DIAPH3: variants seen among roughly 807,000 people sequenced by gnomAD.
DIAPH3 encodes diaphanous related formin 3, also known as protein diaphanous homolog 3.
In DIAPH3, 117 loss-of-function variants were observed where a neutral mutation model predicts 144.3. The ratio of observed to expected loss-of-function variants is 0.81; its 90% CI spans 0.70 to 0.95. The LOEUF (loss-of-function observed/expected upper bound fraction) is 0.95. Ranked by LOEUF, DIAPH3 falls within the 40% of genes least tolerant of loss-of-function variation. The pLI is 0.00. For synonymous variants in DIAPH3, 519 were observed against 488.9 expected (o/e 1.06, Z -0.81); for missense variants, 1,421 against 1,412.7 (o/e 1.01, Z -0.09).
chr13:60,093,094 T>G (rs73532995), intron 4 of DIAPH3, among the ~76,000 whole-genome samples: 236 of 152,354 alleles, frequency 1.5e-3, no homozygotes, highest in African/African-American at 5.5e-3. Context: ...CATGGTTTCT[T>G]AGACATTTAG....
At chr13:60,018,885 A>C (rs1045405079) in intron 5 of DIAPH3, among the ~76,000 whole-genome samples, 24 of 152,282 alleles carry the variant, frequency 1.6e-4, no homozygotes, top group African/African-American at 5.5e-4. Flanking sequence ...GAAAGCTAAC[A>C]AAAGTACTTA....
intron 1 of DIAPH3, among the ~76,000 whole-genome samples, chr13:60,147,016 A>ATTT (rs1369990767): frequency 2.6e-5 from 4 of 152,234 alleles, no homozygotes; most frequent in African/African-American, 4.8e-5. Flanking sequence ...AAACTGCATC[A>ATTT]TCTTTGCCAG....
intron 21 of DIAPH3, among the ~76,000 whole-genome samples, chr13:59,874,902 C>A (rs1470227063): frequency 6.6e-6 from 1 of 152,204 alleles, no homozygotes; most frequent in Non-Finnish European, 1.5e-5. Context: ...TCTTATTAGA[C>A]ATTAGTAAAC....
chr13:59,742,692 G>C (rs1374805752), intron 27 of DIAPH3, among the ~76,000 whole-genome samples: 1 of 147,396 alleles, frequency 6.8e-6, no homozygotes, highest in Non-Finnish European at 1.5e-5. Context: ...AAGGAAGAAA[G>C]GGAGAAAGGG....
At chr13:59,795,590 A>G (rs905008106) in intron 25 of DIAPH3, among the ~76,000 whole-genome samples, 2 of 151,482 alleles carry the variant, frequency 1.3e-5, no homozygotes, top group Non-Finnish European at 2.9e-5. Context: ...AGTAGCTGGG[A>G]CTACAGGTGG....
intron 9 of DIAPH3, among the ~76,000 whole-genome samples, chr13:60,004,154 T>C (rs1307073275): frequency 6.6e-6 from 1 of 152,228 alleles, no homozygotes; most frequent in East Asian, 1.9e-4. Flanking sequence ...AAGTAAACAA[T>C]TGGTTCCTAT....
intron 27 of DIAPH3, among the ~76,000 whole-genome samples, chr13:59,732,746 G>T (rs575737829): frequency 6.6e-6 from 1 of 152,136 alleles, no homozygotes; most frequent in African/African-American, 2.4e-5. Flanking sequence ...TCACTGTGCT[G>T]GCCTGATAGA....
At chr13:60,063,741 A>G (rs2056854580) in intron 4 of DIAPH3, among the ~76,000 whole-genome samples, 1 of 152,160 alleles carries the variant, frequency 6.6e-6, no homozygotes, top group Admixed American at 6.5e-5. Context: ...AGCCTGGCCA[A>G]CAAGGTGAAA....
At chr13:60,161,368 A>G (rs964452119) in intron 1 of DIAPH3, among the ~76,000 whole-genome samples, 28 of 152,190 alleles carry the variant, frequency 1.8e-4, no homozygotes, top group African/African-American at 6.8e-4. Context: ...ATCCCTCTCC[A>G]TCCAAAAAAC....
At chr13:59,839,857 G>T (rs184828466) in intron 22 of DIAPH3, among the ~76,000 whole-genome samples, 2 of 152,318 alleles carry the variant, frequency 1.3e-5, no homozygotes, top group Admixed American at 6.5e-5. Context: ...GAGTAGATGG[G>T]AAAGATGGGG....
rs574599993 is a variant in DIAPH3 at position 60,088,083 on chromosome 13, G to A, written c.495+5545C>T. Among the ~76,000 whole-genome samples, 13 of 152,252 alleles carry A rather than the reference G, an allele frequency of 8.5e-5. No individual in the cohort carries two copies. In the East Asian group the frequency reaches 9.7e-4, roughly 11 times the overall value. On this transcript the variant is annotated intron_variant, in intron 4 of 27. Coordinates refer to ENST00000400324, the MANE Select transcript of DIAPH3 (RefSeq NM_001042517.2). ...CCAAAAAGTAAGGGGTGGGGCACGG[G>A]GGAGTGCAACATGCTAAGAGGTAGC...
chr13:59,897,487 C>G (rs144567719), intron 20 of DIAPH3, among the ~76,000 whole-genome samples: 3 of 151,880 alleles, frequency 2.0e-5, no homozygotes, highest in Non-Finnish European at 2.9e-5. Context: ...CGGTGGCTCA[C>G]GCCTGTAATC....
intron 4 of DIAPH3, among the ~76,000 whole-genome samples, chr13:60,050,691 T>C (rs1028216427): frequency 6.6e-6 from 1 of 152,150 alleles, no homozygotes; most frequent in Non-Finnish European, 1.5e-5. Flanking sequence ...TAAACCATGG[T>C]AAGGACTTTA....
intron 9 of DIAPH3, among the ~76,000 whole-genome samples, chr13:60,004,790 A>G (rs2052753974): frequency 6.6e-6 from 1 of 152,198 alleles, no homozygotes; most frequent in Non-Finnish European, 1.5e-5. Flanking sequence ...ACTACTACTA[A>G]CTGTAACAGA....
At chr13:59,984,510 C>G (rs186921170) in intron 12 of DIAPH3, among the ~76,000 whole-genome samples, 111 of 151,894 alleles carry the variant, frequency 7.3e-4, no homozygotes, top group African/African-American at 2.6e-3. Flanking sequence ...AGTCCATCTA[C>G]ACTGGTCATA....
At chr13:59,955,696 C>T (rs1351034075) in intron 17 of DIAPH3, among the ~76,000 whole-genome samples, 1 of 152,028 alleles carries the variant, frequency 6.6e-6, no homozygotes, top group African/African-American at 2.4e-5. Flanking sequence ...TTGGACCTTC[C>T]TAGAGACTTG....
intron 27 of DIAPH3, among the ~76,000 whole-genome samples, chr13:59,701,869 C>A (rs1414874606): frequency 2.6e-5 from 4 of 152,208 alleles, no homozygotes; most frequent in Admixed American, 6.5e-5. Context: ...GGGCAGCGCT[C>A]CAATTTATTG....
chr13:59,993,818 C>T (rs1487842407), intron 9 of DIAPH3, among the ~76,000 whole-genome samples: 2 of 151,442 alleles, frequency 1.3e-5, no homozygotes, highest in Non-Finnish European at 3.0e-5. Flanking sequence ...CACCCCCTTG[C>T]CAGTCATTAC....
At chr13:59,816,959 T>C (rs766346897) in intron 24 of DIAPH3, among the ~76,000 whole-genome samples, 1 of 151,984 alleles carries the variant, frequency 6.6e-6, no homozygotes, top group South Asian at 2.1e-4. Context: ...ATAACTGTTT[T>C]CTATGATTTC....
Sources: gnomAD v4.1 joint callset for allele counts (sites outside exome capture counted in the v4.1 genomes callset) on GRCh38, gnomAD v4.1.1 for gene constraint, MANE v1.5 for transcripts, NCBI Gene and HGNC (gene_info 2026-07-23, HGNC 2026-07-21) for gene names.